PRKAR2A: variants seen among roughly 807,000 people sequenced by gnomAD.
PRKAR2A encodes the protein protein kinase cAMP-dependent type II regulatory subunit alpha, also known as cAMP-dependent protein kinase type II-alpha regulatory subunit.
Under a neutral mutation model 51.9 loss-of-function variants are expected in PRKAR2A, and 29 were observed. The observed-to-expected ratio is 0.56, with a 90% CI of 0.42 to 0.76. PRKAR2A has a LOEUF of 0.76. PRKAR2A is among the 30% of genes least tolerant of loss of function. PRKAR2A has a pLI of 0.00. For missense variants in PRKAR2A, 445 were observed against 512.1 expected (o/e 0.87, Z 1.26); for synonymous variants, 178 against 186.2 (o/e 0.96, Z 0.36).
In PRKAR2A at chr3:48,747,116, G is replaced by T. The variant is rs2081571392; in HGVS notation, c.*4469C>A. 6.8e-6 allele frequency: 1 copy of T among 146,960 alleles called. No homozygotes were observed. The highest frequency in any genetic ancestry group is 2.1e-4 in the South Asian group (1 of 4,668). 9.1% of individuals were successfully genotyped at this position (146,960 alleles called of 1,614,324 possible). ...TGTGTAAAAGGAAACCTATGGGAAG[G>T]CTGCTTCCCATAAAATAGACAATAG... On this transcript the variant is annotated 3_prime_UTR_variant, in exon 11 of 11. Coordinates refer to ENST00000265563, the MANE Select transcript of PRKAR2A (RefSeq NM_004157.4).
At chr3:48,811,944 C>A (rs997418763) in intron 1 of PRKAR2A, among the ~76,000 whole-genome samples, 4 of 151,778 alleles carry the variant, frequency 2.6e-5, no homozygotes, top group African/African-American at 9.7e-5. Context: ...AGTAGATGAG[C>A]GGTAGGCTGG....
chr3:48,820,633 A>T (rs2082945636), intron 1 of PRKAR2A, among the ~76,000 whole-genome samples: 1 of 152,180 alleles, frequency 6.6e-6, no homozygotes, highest in African/African-American at 2.4e-5. Context: ...TGAATAAGTT[A>T]CTTAACCTCT....
rs1254067365 is a variant in PRKAR2A, at chr3:48,847,833, C to CGGGCAGGCGAGCTGGACGGGCG, written c.-259_-238dup. The CGGGCAGGCGAGCTGGACGGGCG allele has an allele frequency of 1.9e-5, 7 of 375,976 alleles. No homozygotes were observed. The highest frequency in any genetic ancestry group is 8.3e-5 in the East Asian group (2 of 24,012). 23.3% of individuals were successfully genotyped at this position (375,976 alleles called of 1,614,324 possible). A position where few individuals can be genotyped will look rare whatever the true frequency, so the allele number is the denominator to read the frequency against. ...CAGCCGCCGCCGCCGCGGGGACCGA[C>CGGGCAGGCGAGCTGGACGGGCG]GGGCAGGCGAGCTGGACGGGCGGGG... On this transcript the variant is annotated 5_prime_UTR_variant, in exon 1 of 11. Coordinates refer to ENST00000265563, the MANE Select transcript of PRKAR2A (RefSeq NM_004157.4). This position sits in a 1 kb window ranked among gnomAD's most constrained non-coding sequence, Gnocchi z 4.4.
At chr3:48,767,352 G>A (rs984065019) in intron 6 of PRKAR2A, among the ~76,000 whole-genome samples, 1 of 152,030 alleles carries the variant, frequency 6.6e-6, no homozygotes. Flanking sequence ...GGTGGTGGGC[G>A]CCTGTAATCC....
At position 48,847,793 on chromosome 3, in the gene PRKAR2A, G is replaced by C; in HGVS notation, c.-197C>G. The C allele has an allele frequency of 4.0e-6, 2 of 497,794 alleles. No homozygotes were observed. The highest frequency in any genetic ancestry group is 6.3e-6 in the Non-Finnish European group (2 of 317,852). 30.8% of individuals were successfully genotyped at this position (497,794 alleles called of 1,614,324 possible). On this transcript the variant is annotated 5_prime_UTR_variant, in exon 1 of 11. Transcript: ENST00000265563. This position sits in a 1 kb window ranked among gnomAD's most constrained non-coding sequence, Gnocchi z 4.4. ...CTACCACGGCCGACCTGGCACCGCC[G>C]CCGCTGTCACTGGGCAGCCGCCGCC...
chr3:48,759,080 G>A (rs1212458678), intron 8 of PRKAR2A, among the ~76,000 whole-genome samples: 1 of 152,180 alleles, frequency 6.6e-6, no homozygotes, highest in African/African-American at 2.4e-5. Flanking sequence ...AACAATGCAA[G>A]GGGATAAAAT....
At chr3:48,818,663 A>AG (rs1184131439) in intron 1 of PRKAR2A, among the ~76,000 whole-genome samples, 1 of 152,030 alleles carries the variant, frequency 6.6e-6, no homozygotes, top group Non-Finnish European at 1.5e-5. Flanking sequence ...CTGAGGTGGG[A>AG]GGATGGCTTG....
chr3:48,822,461 C>G (rs1263511417), intron 1 of PRKAR2A, among the ~76,000 whole-genome samples: 2 of 151,540 alleles, frequency 1.3e-5, no homozygotes, highest in African/African-American at 2.4e-5. Flanking sequence ...TAGATTAGAG[C>G]AAAGAGAAGG....
chr3:48,800,678 C>CT lies in PRKAR2A; in HGVS notation c.299-6630dup, dbSNP rs11349697. Among the ~76,000 whole-genome samples, 117 of 150,478 alleles carry CT rather than the reference C, an allele frequency of 7.8e-4. 1 individual carries two copies. Among genetic ancestry groups the CT allele is most frequent in the Middle Eastern group, 3.4e-3 (1 of 292 alleles). On this transcript the variant is annotated intron_variant, in intron 2 of 10. Coordinates refer to ENST00000265563, the MANE Select transcript of PRKAR2A (RefSeq NM_004157.4). ...AATTGGAAGGCATGGCTTTTCTTTT[C>CT]TTTTTTTTTTGAGACGGAGTCTTGC...
intron 1 of PRKAR2A, among the ~76,000 whole-genome samples, chr3:48,822,153 G>A: frequency 6.8e-6 from 1 of 147,988 alleles, no homozygotes; most frequent in African/African-American, 2.5e-5. Flanking sequence ...AGAGGTTGCA[G>A]TGAGCCAAGA....
intron 1 of PRKAR2A, among the ~76,000 whole-genome samples, chr3:48,824,641 A>C (rs2083029567): frequency 6.6e-6 from 1 of 152,130 alleles, no homozygotes; most frequent in Non-Finnish European, 1.5e-5. Context: ...CTAAAATAAA[A>C]GTTGAATAAG....
chr3:48,829,830 C>G (rs1382204674), intron 1 of PRKAR2A, among the ~76,000 whole-genome samples: 1 of 92,706 alleles, frequency 1.1e-5, no homozygotes, highest in Admixed American at 1.2e-4. Flanking sequence ...TATATACATA[C>G]ATATATATGC....
At chr3:48,807,571 T>C (rs961311986) in intron 2 of PRKAR2A, 78 bp downstream of exon 2, 3 of 1,176,968 alleles carry the variant, frequency 2.5e-6, no homozygotes, top group Non-Finnish European at 3.7e-6. Flanking sequence ...TATCTTTTTA[T>C]TCAAAATATC....
intron 1 of PRKAR2A, among the ~76,000 whole-genome samples, chr3:48,840,976 G>A (rs2083371991): frequency 6.7e-6 from 1 of 148,920 alleles, no homozygotes; most frequent in South Asian, 2.2e-4. Flanking sequence ...CCACCTCCTG[G>A]GTTCAAAAGA....
chr3:48,822,517 C>G (rs1408864006), intron 1 of PRKAR2A, among the ~76,000 whole-genome samples: 1 of 152,206 alleles, frequency 6.6e-6, no homozygotes, highest in African/African-American at 2.4e-5. Flanking sequence ...AAATTATACT[C>G]TAATAAAAGA....
chr3:48,847,798 T>TGTCACTGGGCAGCCGCCGCCGCC lies in PRKAR2A; in HGVS notation c.-225_-203dup, dbSNP rs2083495477. The TGTCACTGGGCAGCCGCCGCCGCC allele has an allele frequency of 2.1e-6, 1 of 473,554 alleles. No homozygotes were observed. The highest frequency in any genetic ancestry group is 2.0e-5 in the African/African-American group (1 of 49,344). 29.3% of individuals were successfully genotyped at this position (473,554 alleles called of 1,614,324 possible). A position where few individuals can be genotyped will look rare whatever the true frequency, so the allele number is the denominator to read the frequency against. On this transcript the variant is annotated 5_prime_UTR_variant, in exon 1 of 11. Coordinates refer to ENST00000265563, the MANE Select transcript of PRKAR2A (RefSeq NM_004157.4). This position sits in a 1 kb window ranked among gnomAD's most constrained non-coding sequence, Gnocchi z 4.4. The stretch of plus-strand genomic sequence containing the variant: ...ACGGCCGACCTGGCACCGCCGCCGC[T>TGTCACTGGGCAGCCGCCGCCGCC]GTCACTGGGCAGCCGCCGCCGCCGC...
chr3:48,827,796 C>G (rs2083094529), intron 1 of PRKAR2A, among the ~76,000 whole-genome samples: 1 of 152,148 alleles, frequency 6.6e-6, no homozygotes, highest in Admixed American at 6.6e-5. Flanking sequence ...GCTACACAAT[C>G]TATAAAAAAT....
chr3:48,767,934 AC>A (rs1314313195), intron 6 of PRKAR2A, among the ~76,000 whole-genome samples: 23 of 151,212 alleles, frequency 1.5e-4, no homozygotes, highest in Non-Finnish European at 2.9e-4. Context: ...AAAAAAAAAA[AC>A]AAACAAAAAA....
intron 1 of PRKAR2A, among the ~76,000 whole-genome samples, chr3:48,813,514 G>C (rs574419035): frequency 6.6e-6 from 1 of 152,238 alleles, no homozygotes. Context: ...CTAACACAGT[G>C]AAACCCTGTC....
Sources: allele counts gnomAD v4.1 joint callset (sites outside exome capture counted in the v4.1 genomes callset), GRCh38; gene constraint gnomAD v4.1.1; non-coding constraint Gnocchi (gnomAD v3.1); transcripts MANE v1.5; gene names NCBI Gene and HGNC (gene_info 2026-07-23, HGNC 2026-07-21).